DLG2: variants seen among roughly 807,000 people sequenced by gnomAD.
DLG2 encodes the protein discs large MAGUK scaffold protein 2.
DLG2 carries 45 observed loss-of-function variants against 132.5 expected under a neutral mutation model. The ratio of observed to expected loss-of-function variants is 0.34; its 90% CI spans 0.27 to 0.44. The LOEUF is 0.44. DLG2 is among the 20% of genes least tolerant of loss of function. The pLI is 1.00. For synonymous variants in DLG2, 424 were observed against 419.6 expected (o/e 1.01, Z -0.13); for missense variants, 1,045 against 1,196.9 (o/e 0.87, Z 1.87).
At chr11:83,988,464 T>G (rs1167131768) in intron 11 of DLG2, among the ~76,000 whole-genome samples, 1 of 152,182 alleles carries the variant, frequency 6.6e-6, no homozygotes, top group African/African-American at 2.4e-5. Context: ...AATGGTAGTT[T>G]GATGGGAATA....
intron 4 of DLG2, among the ~76,000 whole-genome samples, chr11:85,206,196 A>T (rs892331694): frequency 1.3e-5 from 2 of 152,082 alleles, no homozygotes; most frequent in Non-Finnish European, 2.9e-5. Flanking sequence ...TTCTGCCATG[A>T]TTGGAAGCTC....
At chr11:85,026,354 TATAAGGAAG>T (rs2060510053) in intron 6 of DLG2, among the ~76,000 whole-genome samples, 1 of 152,064 alleles carries the variant, frequency 6.6e-6, no homozygotes, top group Non-Finnish European at 1.5e-5. Context: ...CAACCTCAGT[TATAAGGAAG>T]ATACGTAAAT....
At chr11:84,542,315 T>C (rs1343127023) in intron 6 of DLG2, among the ~76,000 whole-genome samples, 3 of 152,166 alleles carry the variant, frequency 2.0e-5, no homozygotes, top group Non-Finnish European at 2.9e-5. Flanking sequence ...GATAGTAGCA[T>C]TATGAAGCAG....
At chr11:85,521,531 A>G (rs1222366829) in intron 3 of DLG2, among the ~76,000 whole-genome samples, 1 of 152,224 alleles carries the variant, frequency 6.6e-6, no homozygotes, top group East Asian at 1.9e-4. Context: ...CTATAAAGAT[A>G]TCTGAAAATG....
At chr11:85,131,806 G>T (rs78559173) in intron 5 of DLG2, among the ~76,000 whole-genome samples, 140 of 149,438 alleles carry the variant, frequency 9.4e-4, no homozygotes, top group African/African-American at 3.4e-3. Flanking sequence ...TTCTTCAGTG[G>T]TAAAAGGAGA....
chr11:83,727,701 C>T (rs1286319480), intron 18 of DLG2, among the ~76,000 whole-genome samples: 1 of 152,116 alleles, frequency 6.6e-6, no homozygotes, highest in African/African-American at 2.4e-5. Context: ...GCAAAGCTAT[C>T]AGATTTGTTA....
Position 85,287,299 on chromosome 11 carries a change from AAAAGAAAT to A in DLG2, c.41-1942_41-1935del, listed in dbSNP as rs1181237884. 3.3e-5 allele frequency among the ~76,000 whole-genome samples: 5 copies of A among 152,236 alleles called. No homozygotes were observed. In the East Asian group the frequency reaches 7.7e-4, roughly 24 times the overall value. On this transcript the variant is annotated intron_variant, in intron 3 of 27. Coordinates refer to ENST00000376104, the MANE Select transcript of DLG2 (RefSeq NM_001142699.3). Reference sequence around the variant, plus strand: ...GACAAAGGAACAGTATCCAGATATGAAAAGAAATACAAATCGCAAAGAAAAAGACAAGC... The same window carrying A: ...GACAAAGGAACAGTATCCAGATATGAACAAATCGCAAAGAAAAAGACAAGC...
intron 17 of DLG2, chr11:83,791,418 G>T: frequency 1.5e-6 from 1 of 686,568 alleles, no homozygotes; most frequent in Non-Finnish European, 2.7e-6. Flanking sequence ...TGTTGATATC[G>T]CAGTTGGCCA....
intron 6 of DLG2, among the ~76,000 whole-genome samples, chr11:84,976,506 G>C (rs965932300): frequency 6.6e-6 from 1 of 152,028 alleles, no homozygotes; most frequent in African/African-American, 2.4e-5. Flanking sequence ...GATACATAAT[G>C]CAAGAAATAT....
At chr11:84,002,239 T>G (rs911873087) in intron 11 of DLG2, among the ~76,000 whole-genome samples, 1 of 152,184 alleles carries the variant, frequency 6.6e-6, no homozygotes, top group Admixed American at 6.5e-5. Context: ...CATTGATACA[T>G]GCATTAGTCT....
chr11:83,916,759 C>T (rs542846081), intron 15 of DLG2, among the ~76,000 whole-genome samples: 5 of 152,226 alleles, frequency 3.3e-5, no homozygotes, highest in African/African-American at 1.2e-4. Flanking sequence ...AGTTTTATTT[C>T]CTTCCTTCCG....
chr11:84,229,230 T>TA (rs1422665391), intron 8 of DLG2, among the ~76,000 whole-genome samples: 6 of 152,122 alleles, frequency 3.9e-5, no homozygotes, highest in African/African-American at 1.4e-4. Context: ...ATCCCTGTAA[T>TA]AAAAAAGAGC....
intron 6 of DLG2, among the ~76,000 whole-genome samples, chr11:85,091,286 G>A (rs1249882823): frequency 3.3e-5 from 5 of 152,144 alleles, no homozygotes; most frequent in African/African-American, 1.2e-4. Context: ...GTATACATTT[G>A]AATTAAAAAA....
At chr11:83,961,588 G>A (rs1204159197) in intron 14 of DLG2, among the ~76,000 whole-genome samples, 2 of 151,962 alleles carry the variant, frequency 1.3e-5, no homozygotes, top group Non-Finnish European at 2.9e-5. Flanking sequence ...AATGGATAGT[G>A]TATAAAAACA....
At chr11:85,020,607 G>C (rs1353376747) in intron 6 of DLG2, among the ~76,000 whole-genome samples, 2 of 152,126 alleles carry the variant, frequency 1.3e-5, no homozygotes, top group Non-Finnish European at 2.9e-5. Flanking sequence ...TAACATTTAA[G>C]TCTTTAATCC....
At chr11:84,655,759 G>A (rs2099687485) in intron 6 of DLG2, among the ~76,000 whole-genome samples, 1 of 148,344 alleles carries the variant, frequency 6.7e-6, no homozygotes, top group Admixed American at 6.7e-5. Context: ...TTTTCATGGA[G>A]TGGTTGTGAG....
chr11:84,379,230 A>G lies in DLG2; in HGVS notation c.520-127939T>C, dbSNP rs74568939. On this transcript the variant is annotated intron_variant, in intron 7 of 27. Coordinates refer to ENST00000376104, the MANE Select transcript of DLG2 (RefSeq NM_001142699.3). ...AATAACAAAGTAAAAAGCTCAAACA[A>G]TTCAAAGTGTAGGATAAATAATATA... Among the ~76,000 whole-genome samples the G allele has an allele frequency of 3.1e-3, 478 of 152,258 alleles. 17 individuals are homozygous for G. The East Asian group carries it at 0.072, about 23-fold the overall frequency.
chr11:84,934,446 T>A (rs2048446126), intron 6 of DLG2, among the ~76,000 whole-genome samples: 1 of 149,990 alleles, frequency 6.7e-6, no homozygotes, highest in African/African-American at 2.5e-5. Context: ...GTAGGAGTGA[T>A]ACCAGCTCTT....
chr11:84,538,553 AC>A (rs1352140452), intron 6 of DLG2, among the ~76,000 whole-genome samples: 1 of 151,714 alleles, frequency 6.6e-6, no homozygotes, highest in Non-Finnish European at 1.5e-5. Context: ...CTGTACCTGA[AC>A]CTATATTTCT....
Sources: gnomAD v4.1 joint callset for allele counts (sites outside exome capture counted in the v4.1 genomes callset) on GRCh38, gnomAD v4.1.1 for gene constraint, MANE v1.5 for transcripts, NCBI Gene and HGNC (gene_info 2026-07-23, HGNC 2026-07-21) for gene names.